ERI1: variants seen among roughly 807,000 people sequenced by gnomAD.
The protein encoded by ERI1 is exoribonuclease 1.
Under a neutral mutation model 39.7 loss-of-function variants are expected in ERI1, and 39 were observed. The ratio of observed to expected loss-of-function variants is 0.98; its 90% CI spans 0.76 to 1.28. The LOEUF (loss-of-function observed/expected upper bound fraction) is 1.28. Among genes scored for constraint, ERI1 ranks in the 50% most tolerant of loss-of-function variants. The pLI is 0.00. For synonymous variants in ERI1, 204 were observed against 149.6 expected, an observed-to-expected ratio of 1.36 and a Z score of -2.65; for missense variants, 581 against 416.9, an observed-to-expected ratio of 1.39 and a Z score of -3.43.
intron 3 of ERI1, among the ~76,000 whole-genome samples, chr8:9,096,428 C>T (rs1046346048): frequency 6.6e-6 from 1 of 152,148 alleles, no homozygotes; most frequent in African/African-American, 2.4e-5. Flanking sequence ...AAGCCTTGAA[C>T]CAGGGCCAAG....
At chr8:9,058,669 C>T (rs1338693585) in intron 3 of ERI1, among the ~76,000 whole-genome samples, 1 of 152,108 alleles carries the variant, frequency 6.6e-6, no homozygotes, top group African/African-American at 2.4e-5. Flanking sequence ...ATAGGTATTT[C>T]CTATCTTGGC....
At chr8:9,009,243 C>T (rs1165617096) in intron 2 of ERI1, 2 of 344,956 alleles carry the variant, frequency 5.8e-6, no homozygotes, top group African/African-American at 4.3e-5. Context: ...CTTTGGCAAT[C>T]TCAGTCTTTT....
At chr8:9,035,615 C>G (rs1281845632), downstream of ERI1, among the ~76,000 whole-genome samples, 1 of 152,180 alleles carries the variant, frequency 6.6e-6, no homozygotes, top group Non-Finnish European at 1.5e-5. Flanking sequence ...ATCTGGTCAT[C>G]CAGGAGTTCT....
chr8:9,030,762 T>C lies in ERI1; in HGVS notation c.*728T>C, dbSNP rs1216507288. 6.6e-6 allele frequency: 1 copy of C among 152,210 alleles called. No homozygotes were observed. The highest frequency in any genetic ancestry group is 1.9e-4 in the East Asian group (1 of 5,204). 9.4% of individuals were successfully genotyped at this position (152,210 alleles called of 1,614,324 possible). A position where few individuals can be genotyped will look rare whatever the true frequency, so the allele number is the denominator to read the frequency against. ...TTTGGATTTGGTTGTTTGATTCGCC[T>C]TCCTTTTTTGACATATGTATGCCTT... On this transcript the variant is annotated 3_prime_UTR_variant, in exon 7 of 7. Coordinates refer to ENST00000250263, the MANE Select transcript of ERI1 (RefSeq NM_153332.4).
Position 9,004,004 on chromosome 8 carries a change from C to T in ERI1, c.108+833C>T, listed in dbSNP as rs182694229. ...CCTCCTGAGTCACTTCCATTTGCTG[C>T]TCTGCGGGGTCGGGTGCCTGCCTCC... is the stretch of plus-strand genomic sequence containing the variant. On this transcript the variant is annotated intron_variant, in intron 1 of 6. Coordinates refer to ENST00000250263, the MANE Select transcript of ERI1 (RefSeq NM_153332.4). The T allele has an allele frequency of 1.1e-4, 118 of 1,064,878 alleles. No homozygotes were observed. In the Middle Eastern group the frequency reaches 1.9e-3, roughly 17 times the overall value. The allele number at this position is 1,064,878 out of a possible 1,614,324, so 66.0% of individuals were successfully genotyped here.
intron 3 of ERI1, among the ~76,000 whole-genome samples, chr8:9,066,355 C>T (rs937011630): frequency 2.0e-5 from 3 of 152,176 alleles, no homozygotes; most frequent in East Asian, 1.9e-4. Context: ...TGTGACACAG[C>T]GGGCTCCCCG....
chr8:9,075,919 T>C (rs1799196684), intron 3 of ERI1, among the ~76,000 whole-genome samples: 1 of 151,996 alleles, frequency 6.6e-6, no homozygotes. Flanking sequence ...ATTACAGGGG[T>C]AAGTCACTGC....
chr8:9,052,791 G>A lies in ERI1; in HGVS notation n.299+32327G>A, dbSNP rs144754008. ...AAATTTCCGAGTGGTTCGAATGTCT[G>A]TTGTTATACATGAATCCTTTCTGAT... On this transcript the variant is annotated intron_variant and non_coding_transcript_variant, in intron 3 of 3. Coordinates refer to the ERI1 transcript ENST00000518663. 2.0e-5 allele frequency among the ~76,000 whole-genome samples: 3 copies of A among 152,286 alleles called. No individual in the cohort carries two copies. In the East Asian group the frequency reaches 5.8e-4, roughly 29 times the overall value.
rs1020010854 is a variant in ERI1, at chr8:9,031,649, G to A, written c.*1615G>A. On this transcript the variant is annotated 3_prime_UTR_variant, in exon 7 of 7. Coordinates refer to ENST00000250263, the MANE Select transcript of ERI1 (RefSeq NM_153332.4). ...AAATATTACGTTTCCAGTTTTTTTA[G>A]CTCTATCTGCTAATTTCTTTGCCTG... 3 of 152,104 alleles carry A rather than the reference G, an allele frequency of 2.0e-5. No homozygotes were observed. The highest frequency in any genetic ancestry group is 4.8e-5 in the African/African-American group (2 of 41,416). 9.4% of individuals were successfully genotyped at this position (152,104 alleles called of 1,614,324 possible). A position where few individuals can be genotyped will look rare whatever the true frequency, so the allele number is the denominator to read the frequency against.
chr8:9,004,576 G>T (rs1280445357), intron 1 of ERI1, among the ~76,000 whole-genome samples: 1 of 148,658 alleles, frequency 6.7e-6, no homozygotes, highest in Non-Finnish European at 1.5e-5. Flanking sequence ...CAGTGGGGAG[G>T]ATCACCTGAG....
At chr8:9,063,501 G>A (rs1344655688) in intron 3 of ERI1, among the ~76,000 whole-genome samples, 2 of 152,062 alleles carry the variant, frequency 1.3e-5, no homozygotes, top group South Asian at 2.1e-4. Flanking sequence ...AGGAAGAATC[G>A]GGACCTAGCT....
chr8:9,041,476 G>C (rs544321078), intron 3 of ERI1, among the ~76,000 whole-genome samples: 2 of 152,248 alleles, frequency 1.3e-5, no homozygotes, highest in East Asian at 3.9e-4. Flanking sequence ...AATCGAAATT[G>C]TATCAAACAT....
Position 9,045,804 on chromosome 8 carries a change from G to T in ERI1, n.299+25340G>T, listed in dbSNP as rs905147448. Reference sequence around the variant, plus strand: ...TGATTCTCCTGCCTCAGCCTCCTGAGTAGCTGGGATTACAGGCATGCATCA... The same window carrying T: ...TGATTCTCCTGCCTCAGCCTCCTGATTAGCTGGGATTACAGGCATGCATCA... On this transcript the variant is annotated intron_variant and non_coding_transcript_variant, in intron 3 of 3. Transcript: ENST00000518663. 3.3e-5 allele frequency among the ~76,000 whole-genome samples: 5 copies of T among 151,494 alleles called. No individual in the cohort carries two copies. In the East Asian group the frequency reaches 9.8e-4, roughly 30 times the overall value.
chr8:9,045,105 G>C (rs755156810), intron 3 of ERI1, among the ~76,000 whole-genome samples: 1 of 151,734 alleles, frequency 6.6e-6, no homozygotes, highest in Non-Finnish European at 1.5e-5. Flanking sequence ...GCGTAGTGGC[G>C]GGCACCTGTA....
At chr8:9,052,089 T>C (rs1193919665) in intron 3 of ERI1, among the ~76,000 whole-genome samples, 1 of 152,242 alleles carries the variant, frequency 6.6e-6, no homozygotes, top group Non-Finnish European at 1.5e-5. Flanking sequence ...TAGTGAATAA[T>C]AACCCTTCAG....
At chr8:9,056,613 G>A (rs922454108) in intron 3 of ERI1, among the ~76,000 whole-genome samples, 5 of 150,464 alleles carry the variant, frequency 3.3e-5, no homozygotes, top group South Asian at 2.2e-4. Context: ...AAATAACTTC[G>A]CGAAGGGCTC....
At chr8:9,022,300 T>G (rs1322454084) in intron 6 of ERI1, among the ~76,000 whole-genome samples, 1 of 152,202 alleles carries the variant, frequency 6.6e-6, no homozygotes, top group Non-Finnish European at 1.5e-5. Context: ...GGTAGTCTGT[T>G]TTTTCATTAC....
intron 3 of ERI1, among the ~76,000 whole-genome samples, chr8:9,058,214 G>GA (rs1215382572): frequency 6.6e-6 from 1 of 152,226 alleles, no homozygotes; most frequent in East Asian, 1.9e-4. Flanking sequence ...GCTGGTGAGT[G>GA]AAAAGATCCA....
At chr8:9,039,486 C>G (rs1797951872) in intron 3 of ERI1, among the ~76,000 whole-genome samples, 1 of 152,080 alleles carries the variant, frequency 6.6e-6, no homozygotes, top group African/African-American at 2.4e-5. Flanking sequence ...CACAGAACAC[C>G]TTTTGTAAAT....
Sources: gnomAD v4.1 joint callset for allele counts (sites outside exome capture counted in the v4.1 genomes callset) on GRCh38, gnomAD v4.1.1 for gene constraint, MANE v1.5 for transcripts, NCBI Gene and HGNC (gene_info 2026-07-23, HGNC 2026-07-21) for gene names.